The following KIAA0586 variants were observed in gnomAD, a reference collection of about 807,000 sequenced individuals.
KIAA0586 encodes the protein KIAA0586, also known as protein TALPID3.
KIAA0586 carries 144 observed loss-of-function variants against 169.8 expected under a neutral mutation model. The observed-to-expected ratio is 0.85, with a 90% CI of 0.74 to 0.97. KIAA0586 has a LOEUF of 0.97. KIAA0586 is among the 50% of genes least tolerant of loss of function. KIAA0586 has a pLI of 0.00. For missense variants in KIAA0586, 1,854 were observed against 1,823.0 expected, an observed-to-expected ratio of 1.02 and a Z score of -0.31; for synonymous variants, 625 against 612.4, an observed-to-expected ratio of 1.02 and a Z score of -0.30.
chr14:58,505,312 G>A (rs984232806), intron 27 of KIAA0586, among the ~76,000 whole-genome samples: 25 of 152,180 alleles, frequency 1.6e-4, no homozygotes, highest in African/African-American at 4.3e-4. Context: ...TAATGATTAC[G>A]TAAAACTTCA....
rs908960249 is a variant in KIAA0586 at position 58,427,742 on chromosome 14, A to G, written c.-523A>G. 22 of 1,533,728 alleles carry G rather than the reference A, an allele frequency of 1.4e-5. No homozygotes were observed. The highest frequency in any genetic ancestry group is 2.4e-5 in the East Asian group (1 of 40,898). ...ACGCTGTTGTCAGATTACACCCACGACGGTGCGGGTCTCGGGCGTTCTGGA... is the reference window on the plus strand; with the variant it reads ...ACGCTGTTGTCAGATTACACCCACGGCGGTGCGGGTCTCGGGCGTTCTGGA... On this transcript the variant is annotated 5_prime_UTR_variant, in exon 1 of 31. Coordinates refer to ENST00000652326, the MANE Select transcript of KIAA0586 (RefSeq NM_001329943.3).
downstream of KIAA0586, among the ~76,000 whole-genome samples, chr14:58,556,161 A>C (rs1470649289): frequency 6.6e-6 from 1 of 152,194 alleles, no homozygotes; most frequent in Non-Finnish European, 1.5e-5. Context: ...ATGCATATCT[A>C]CTGTCTGTTT....
rs745765019 is a variant in KIAA0586 at position 58,474,643 on chromosome 14, C to A, written c.2671C>A (p.Pro891Thr). ...ATGTGATGAAATTCCAGACTCTGAA[C>A]CAATTCTGGAGTTTAACAGAAGTGT... is the stretch of plus-strand genomic sequence containing the variant. ...EKCDEIPDSEPILEFNRSVKA... is the reference protein window; with the variant it reads ...EKCDEIPDSETILEFNRSVKA... Residue 891 changes from proline (P) to threonine (T), a missense_variant, in exon 19 of 31, where the codon CCA becomes ACA. By Grantham distance (38) the Pro-to-Thr change is conservative. Coordinates refer to ENST00000652326, the MANE Select transcript of KIAA0586 (RefSeq NM_001329943.3). The A allele has an allele frequency of 6.3e-7, 1 of 1,597,240 alleles. No homozygotes were observed. The highest frequency in any genetic ancestry group is 1.1e-5 in the South Asian group (1 of 87,022).
intron 6 of KIAA0586, among the ~76,000 whole-genome samples, chr14:58,446,747 T>A (rs2038935215): frequency 6.6e-6 from 1 of 152,146 alleles, no homozygotes; most frequent in Non-Finnish European, 1.5e-5. Flanking sequence ...TTTATTGGAA[T>A]GATTATATGC....
chr14:58,519,512 A>G (rs1400245055), intron 29 of KIAA0586, among the ~76,000 whole-genome samples: 1 of 152,238 alleles, frequency 6.6e-6, no homozygotes. Context: ...ATTCCAGCCC[A>G]GATCGACTTG....
rs1179023701 is a variant in KIAA0586 at position 58,459,996 on chromosome 14, C to G, written c.1810C>G (p.Gln604Glu). The G allele has an allele frequency of 6.5e-7, 1 of 1,534,534 alleles. No individual in the cohort carries two copies. ...AATTCCAAGAAAACATTCTCAAAAG[C>G]AAATAGAAGAGCATTTTAGAAATCT... ...SVIPRKHSQK[Q>E]IEEHFRNLPM... The change falls in exon 13 of 31, where the codon CAA becomes GAA. Residue 604 changes from glutamine (Q) to glutamate (E), a missense_variant. Coordinates refer to ENST00000652326, the MANE Select transcript of KIAA0586 (RefSeq NM_001329943.3).
intron 30 of KIAA0586, among the ~76,000 whole-genome samples, chr14:58,542,515 AC>A (rs1050123326): frequency 6.6e-6 from 1 of 152,124 alleles, no homozygotes; most frequent in African/African-American, 2.4e-5. Context: ...ATTAACAAAT[AC>A]CTTTTGATAA....
chr14:58,477,024 A>G, intron 19 of KIAA0586, 99 bp from the exon 20 acceptor site: 1 of 599,030 alleles, frequency 1.7e-6, no homozygotes, highest in South Asian at 2.3e-5. Context: ...TGTTTGTGGC[A>G]TTGGTAAAGG....
chr14:58,429,187 TA>T (rs1296564189), intron 1 of KIAA0586, among the ~76,000 whole-genome samples, 175 bp from the exon 2 acceptor site: 3 of 152,232 alleles, frequency 2.0e-5, no homozygotes, highest in Non-Finnish European at 4.4e-5. Context: ...ATATCAACTG[TA>T]AAAACTTTCA....
chr14:58,520,089 T>A (rs905951223), intron 29 of KIAA0586, among the ~76,000 whole-genome samples: 1 of 152,064 alleles, frequency 6.6e-6, no homozygotes, highest in Non-Finnish European at 1.5e-5. Flanking sequence ...TGCCCAAGGG[T>A]GGGGAAAATT....
At chr14:58,491,800 TATG>T (rs1418961390) in intron 25 of KIAA0586, among the ~76,000 whole-genome samples, 6 of 152,348 alleles carry the variant, frequency 3.9e-5, no homozygotes, top group South Asian at 4.1e-4. Context: ...ACTGCAGAAA[TATG>T]AGGAGGAGGC....
chr14:58,464,784 C>A (rs950890029), intron 14 of KIAA0586, among the ~76,000 whole-genome samples: 1 of 152,102 alleles, frequency 6.6e-6, no homozygotes, highest in Non-Finnish European at 1.5e-5. Flanking sequence ...GAGATGGTAA[C>A]TAAGTTATTA....
intron 30 of KIAA0586, among the ~76,000 whole-genome samples, chr14:58,541,780 C>T (rs1477659208): frequency 6.6e-6 from 1 of 152,176 alleles, no homozygotes; most frequent in African/African-American, 2.4e-5. Flanking sequence ...CAGGAAGCTT[C>T]TAACGCATGG....
chr14:58,445,164 AAC>A (rs1226850803), intron 6 of KIAA0586, among the ~76,000 whole-genome samples: 1 of 151,334 alleles, frequency 6.6e-6, no homozygotes, highest in African/African-American at 2.4e-5. Flanking sequence ...CACATACACA[AAC>A]ACACATGCTT....
chr14:58,495,450 T>C (rs1621311), intron 26 of KIAA0586, among the ~76,000 whole-genome samples: 148,840 of 152,054 alleles, frequency 0.98, 72,928 homozygotes, highest in East Asian at 1. Flanking sequence ...TATAGGCGTG[T>C]ACCATACCTA....
chr14:58,428,491 C>T, intron 1 of KIAA0586, 28 bp downstream of exon 1: 1 of 1,525,516 alleles, frequency 6.6e-7, no homozygotes, highest in East Asian at 2.3e-5. Flanking sequence ...GTTTTTCAAC[C>T]AGTTTTAGTT....
In KIAA0586 at chr14:58,428,239, G is replaced by A. The variant is rs1264971363; in HGVS notation, c.-26G>A. The A allele has an allele frequency of 1.9e-6, 3 of 1,608,492 alleles. No homozygotes were observed. Among genetic ancestry groups the A allele is most frequent in the African/African-American group, 2.7e-5 (2 of 74,850 alleles). ...AGAGAAAGTTTTTCCGTCCTTAAGT[G>A]TGGGACTTGTTTTGTGACCAACAAT... On this transcript the variant is annotated 5_prime_UTR_variant, in exon 1 of 31. It adds an upstream start codon to the 5' untranslated region. Transcript: ENST00000652326.
Position 58,465,081 on chromosome 14 carries a change from G to T in KIAA0586, c.2060-754G>T, listed in dbSNP as rs369430562. Reference sequence around the variant, plus strand: ...GAGACTCCATCTAAAAAAAATTAATGAATAATTTTTAAATACTTATGAATT... The same window carrying T: ...GAGACTCCATCTAAAAAAAATTAATTAATAATTTTTAAATACTTATGAATT... On this transcript the variant is annotated intron_variant, in intron 14 of 30. Coordinates refer to ENST00000652326, the MANE Select transcript of KIAA0586 (RefSeq NM_001329943.3). Among the ~76,000 whole-genome samples, 4 of 152,078 alleles carry T rather than the reference G, an allele frequency of 2.6e-5. 1 individual carries two copies.
intron 29 of KIAA0586, among the ~76,000 whole-genome samples, chr14:58,534,635 A>G (rs1181253958): frequency 3.3e-5 from 5 of 152,128 alleles, no homozygotes; most frequent in Admixed American, 2.6e-4. Flanking sequence ...GAATAATTTC[A>G]GTGCACTGGT....
Sources: gnomAD v4.1 joint callset for allele counts (sites outside exome capture counted in the v4.1 genomes callset) on GRCh38, gnomAD v4.1.1 for gene constraint, MANE v1.5 for transcripts, NCBI Gene and HGNC (gene_info 2026-07-23, HGNC 2026-07-21) for gene names.